The following GRID1 variants were observed in gnomAD, a reference collection of about 807,000 sequenced individuals.
GRID1 encodes the protein glutamate ionotropic receptor delta type subunit 1.
GRID1 carries 28 observed loss-of-function variants against 98.0 expected under a neutral mutation model. The ratio of observed to expected loss-of-function variants is 0.29; its 90% confidence interval spans 0.21 to 0.39. The LOEUF (loss-of-function observed/expected upper bound fraction) is 0.39, where lower values mean the gene tolerates loss of function less well. GRID1 is among the 10% of genes least tolerant of loss of function. The pLI is 1.00. For missense variants in GRID1, 1,111 were observed against 1,340.5 expected, an observed-to-expected ratio of 0.83 and a Z score of 2.67; for synonymous variants, 553 against 538.5, an observed-to-expected ratio of 1.03 and a Z score of -0.37.
At position 85,937,975 on chromosome 10, in the gene GRID1, T is replaced by C. The variant is rs144590264; in HGVS notation, c.727-21736A>G. Among the ~76,000 whole-genome samples, 4 of 152,356 alleles carry C rather than the reference T, an allele frequency of 2.6e-5. No individual in the cohort carries two copies. The East Asian group carries it at 5.8e-4, about 22-fold the overall frequency. On this transcript the variant is annotated intron_variant, in intron 4 of 15. Coordinates refer to ENST00000327946, the MANE Select transcript of GRID1 (RefSeq NM_017551.3). ...TTCTTCTTCCCATACTTATTCATCA[T>C]TCAGATAAGGCCAATGTGATCTATC...
chr10:86,006,721 AC>A (rs1842865101), intron 4 of GRID1, among the ~76,000 whole-genome samples: 1 of 151,860 alleles, frequency 6.6e-6, no homozygotes, highest in Non-Finnish European at 1.5e-5. Flanking sequence ...TTCTTTATGA[AC>A]ACAAGTACAT....
At chr10:86,004,149 C>G (rs1241515109) in intron 4 of GRID1, among the ~76,000 whole-genome samples, 2 of 152,226 alleles carry the variant, frequency 1.3e-5, no homozygotes, top group African/African-American at 2.4e-5. Context: ...AAGTTCCGTA[C>G]TAGGCAGAGC....
At chr10:86,137,938 G>C (rs952920601) in intron 4 of GRID1, among the ~76,000 whole-genome samples, 1 of 152,188 alleles carries the variant, frequency 6.6e-6, no homozygotes, top group Non-Finnish European at 1.5e-5. Flanking sequence ...TTAGTATAAT[G>C]TCATGTTTCA....
chr10:86,152,339 G>A (rs957375312), intron 3 of GRID1, among the ~76,000 whole-genome samples: 6 of 152,218 alleles, frequency 3.9e-5, no homozygotes, highest in Admixed American at 3.9e-4. Context: ...CTGGGCAGGA[G>A]GGATGCCAGA....
chr10:86,168,785 C>T (rs1845438322), intron 3 of GRID1, among the ~76,000 whole-genome samples: 1 of 152,244 alleles, frequency 6.6e-6, no homozygotes, highest in Admixed American at 6.5e-5. Flanking sequence ...CTTCTTCTAA[C>T]TCACCCACTT....
At chr10:85,849,644 G>T (rs1843039409) in intron 8 of GRID1, among the ~76,000 whole-genome samples, 1 of 152,112 alleles carries the variant, frequency 6.6e-6, no homozygotes, top group Admixed American at 6.5e-5. Flanking sequence ...CAGAAATGAT[G>T]TTCTGGGTCC....
At chr10:86,337,290 G>T (rs1333427262) in intron 2 of GRID1, among the ~76,000 whole-genome samples, 1 of 152,196 alleles carries the variant, frequency 6.6e-6, no homozygotes. Context: ...GGCAGGACAG[G>T]ACCAAAGGCT....
At position 85,706,943 on chromosome 10, in the gene GRID1, C is replaced by T. The variant is rs369061052; in HGVS notation, c.1997+16060G>A. Among the ~76,000 whole-genome samples the T allele has an allele frequency of 4.9e-4, 75 of 152,284 alleles. No individual in the cohort carries two copies. In the South Asian group the frequency reaches 0.015, roughly 31 times the overall value. On this transcript the variant is annotated intron_variant, in intron 12 of 15. Transcript: ENST00000327946. ...GCTGAAATTGGATCCCTTCCTTACA[C>T]CTTATACTAAAATTAATTCAAGATG... is the stretch of plus-strand genomic sequence containing the variant.
intron 5 of GRID1, among the ~76,000 whole-genome samples, chr10:85,895,001 C>CAAAAA (rs60119755): frequency 9.6e-5 from 10 of 103,902 alleles, no homozygotes; most frequent in African/African-American, 3.8e-4. Context: ...CTGGGACTCT[C>CAAAAA]AAAAAAAAAA....
intron 4 of GRID1, among the ~76,000 whole-genome samples, chr10:86,084,148 C>A (rs947631554): frequency 6.6e-6 from 1 of 152,078 alleles, no homozygotes; most frequent in South Asian, 2.1e-4. Flanking sequence ...GTAGTAGGTA[C>A]ACACACAAAT....
chr10:86,103,902 C>T (rs1844339100), intron 4 of GRID1, among the ~76,000 whole-genome samples: 1 of 152,228 alleles, frequency 6.6e-6, no homozygotes, highest in African/African-American at 2.4e-5. Flanking sequence ...ATGCTGGGCA[C>T]AGCCCTCATG....
At chr10:85,697,996 G>A (rs932435412) in intron 12 of GRID1, among the ~76,000 whole-genome samples, 8 of 152,118 alleles carry the variant, frequency 5.3e-5, no homozygotes, top group Non-Finnish European at 1.0e-4. Context: ...GTCTATGTCC[G>A]AAGTTACTAA....
chr10:85,756,354 AC>A (rs972690344), intron 8 of GRID1, among the ~76,000 whole-genome samples: 6 of 151,842 alleles, frequency 4.0e-5, no homozygotes, highest in African/African-American at 1.5e-4. Context: ...TAGAGCTTTC[AC>A]CTTTTCACTT....
chr10:86,084,167 G>T (rs1844016686), intron 4 of GRID1, among the ~76,000 whole-genome samples: 1 of 152,146 alleles, frequency 6.6e-6, no homozygotes, highest in Non-Finnish European at 1.5e-5. Flanking sequence ...ATGCAATCGA[G>T]GGAAGCCTAG....
chr10:85,710,917 A>G (rs987967389), intron 12 of GRID1, among the ~76,000 whole-genome samples: 9 of 152,104 alleles, frequency 5.9e-5, no homozygotes, highest in Non-Finnish European at 7.4e-5. Context: ...ATGCTACTTC[A>G]CATCCATTGA....
intron 8 of GRID1, among the ~76,000 whole-genome samples, chr10:85,828,271 C>A (rs1842837368): frequency 6.6e-6 from 1 of 152,020 alleles, no homozygotes; most frequent in Admixed American, 6.6e-5. Flanking sequence ...CAGACAGAAT[C>A]TCTGGGACAC....
intron 4 of GRID1, among the ~76,000 whole-genome samples, chr10:86,060,349 C>A (rs1386742219): frequency 6.6e-6 from 1 of 152,156 alleles, no homozygotes; most frequent in East Asian, 1.9e-4. Context: ...GTTCTGTATT[C>A]CAGCATTTAT....
chr10:86,337,165 T>G (rs1848234367), intron 2 of GRID1, among the ~76,000 whole-genome samples: 1 of 152,046 alleles, frequency 6.6e-6, no homozygotes, highest in Non-Finnish European at 1.5e-5. Context: ...TGGCCCACTC[T>G]CTATCTGACC....
At chr10:85,835,940 T>C (rs972546726) in intron 8 of GRID1, among the ~76,000 whole-genome samples, 1 of 151,906 alleles carries the variant, frequency 6.6e-6, no homozygotes, top group Non-Finnish European at 1.5e-5. Flanking sequence ...AAGCCATAAA[T>C]CAAATAGTAA....
Sources: gnomAD v4.1 joint callset for allele counts (sites outside exome capture counted in the v4.1 genomes callset) on GRCh38, gnomAD v4.1.1 for gene constraint, MANE v1.5 for transcripts, NCBI Gene and HGNC (gene_info 2026-07-23, HGNC 2026-07-21) for gene names.